Variants in SRGAP2C observed in about 807,000 individuals in gnomAD.
The protein encoded by SRGAP2C is SLIT-ROBO Rho GTPase activating protein 2C, also known as SLIT-ROBO Rho GTPase-activating protein 2C.
Under a neutral mutation model 25.1 loss-of-function variants are expected in SRGAP2C, and 15 were observed. That is an observed-to-expected ratio of 0.60 (90% CI 0.40 to 0.92). SRGAP2C has a LOEUF of 0.92. Ranked by LOEUF, SRGAP2C falls within the 40% of genes least tolerant of loss-of-function variation. The pLI is 0.00. For synonymous variants in SRGAP2C, 44 were observed against 96.6 expected (o/e 0.46, Z 3.19); for missense variants, 144 against 264.4 (o/e 0.54, Z 3.16).
intron 2 of SRGAP2C, among the ~76,000 whole-genome samples, chr1:121,248,411 G>T (rs1192883567): frequency 8.4e-6 from 1 of 119,716 alleles, no homozygotes; most frequent in Non-Finnish European, 1.7e-5. Context: ...TAAAGAGGCA[G>T]CTGAGAGGCT....
At chr1:121,331,495 C>T (rs1270719364) in intron 4 of SRGAP2C, among the ~76,000 whole-genome samples, 1 of 31,066 alleles carries the variant, frequency 3.2e-5, no homozygotes, top group Non-Finnish European at 6.2e-5. Flanking sequence ...TTCCTGAGAG[C>T]CTCCGGAGCA....
chr1:121,326,874 CT>C lies in SRGAP2C; in HGVS notation c.423+2240del, dbSNP rs1658325761. Among the ~76,000 whole-genome samples the C allele has an allele frequency of 2.2e-5, 2 of 89,104 alleles. 1 individual carries two copies. The highest frequency in any genetic ancestry group is 2.5e-4 in the Admixed American group (2 of 7,906). 58.5% of individuals were successfully genotyped at this position (89,104 alleles called of 152,430 possible). ...TAAGTAGAATTGCACAGTATGTACT[CT>C]TTTTTGTTTGGTTTCTTTCAATATT... On this transcript the variant is annotated intron_variant, in intron 4 of 9. Coordinates refer to ENST00000367123, the MANE Select transcript of SRGAP2C (RefSeq NM_001329984.2).
At chr1:121,195,209 G>A (rs1317250057) in intron 2 of SRGAP2C, among the ~76,000 whole-genome samples, 6 of 152,048 alleles carry the variant, frequency 3.9e-5, no homozygotes, top group South Asian at 2.1e-4. Flanking sequence ...TCAGGAGTTC[G>A]AGACCAGCCT....
rs4844803 is a variant in SRGAP2C, at chr1:121,272,432, G to A, written c.68-12371G>A. Among the ~76,000 whole-genome samples the A allele has an allele frequency of 9.2e-5, 14 of 151,610 alleles. No homozygotes were observed. In the East Asian group the frequency reaches 2.7e-3, roughly 29 times the overall value. On this transcript the variant is annotated intron_variant, in intron 2 of 9. Coordinates refer to ENST00000367123, the MANE Select transcript of SRGAP2C (RefSeq NM_001329984.2). ...GACTTTTCTCTGCGGCCTCTCCAGTGGATAGCATCTCTAGATGATGGCATG... is the reference window on the plus strand; with the variant it reads ...GACTTTTCTCTGCGGCCTCTCCAGTAGATAGCATCTCTAGATGATGGCATG...
intron 4 of SRGAP2C, among the ~76,000 whole-genome samples, chr1:121,358,396 GA>G (rs1287676931): frequency 7.0e-4 from 85 of 121,698 alleles, no homozygotes; most frequent in Admixed American, 2.5e-3. Context: ...GTTGCTTTGA[GA>G]TTTTTTTAGA....
rs1313768090 is a variant in SRGAP2C, at chr1:121,249,570, ATATATATATAT to A, written c.68-35231_68-35221del. Among the ~76,000 whole-genome samples the A allele has an allele frequency of 2.2e-3, 76 of 33,946 alleles. No individual in the cohort carries two copies. In the South Asian group the frequency reaches 0.028, roughly 13 times the overall value. 22.3% of individuals were successfully genotyped at this position (33,946 alleles called of 152,430 possible). On this transcript the variant is annotated intron_variant, in intron 2 of 9. Transcript: ENST00000367123. ...ACTATATATATATATATATATATAT[ATATATATATAT>A]TTTTTTTTTTTTTTTTTAAATTATA... is the stretch of plus-strand genomic sequence containing the variant.
chr1:121,340,896 TG>T (rs1658638512), intron 4 of SRGAP2C, among the ~76,000 whole-genome samples: 1 of 30,634 alleles, frequency 3.3e-5, no homozygotes, highest in African/African-American at 1.5e-4. Context: ...TGACCAGCAA[TG>T]GGAGAAATAT....
chr1:121,338,415 C>G (rs1296615859), intron 4 of SRGAP2C, among the ~76,000 whole-genome samples: 2 of 22,672 alleles, frequency 8.8e-5, no homozygotes. Context: ...AAGTTTTCCT[C>G]CTTTTGACAC....
chr1:121,385,481 T>A (rs1553356147), intron 8 of SRGAP2C, among the ~76,000 whole-genome samples: 1 of 119,934 alleles, frequency 8.3e-6, no homozygotes. Flanking sequence ...GCCTCTCAGC[T>A]GGGGGAAGAG....
intron 3 of SRGAP2C, among the ~76,000 whole-genome samples, chr1:121,308,691 C>T (rs1553339749): frequency 6.6e-6 from 1 of 151,712 alleles, no homozygotes; most frequent in Non-Finnish European, 1.5e-5. Flanking sequence ...GTAATCCCAG[C>T]ACTTTGGGAG....
At chr1:121,352,678 G>T (rs1380676897) in intron 4 of SRGAP2C, among the ~76,000 whole-genome samples, 2 of 149,546 alleles carry the variant, frequency 1.3e-5, no homozygotes, top group Non-Finnish European at 3.0e-5. Flanking sequence ...AAAATATATC[G>T]CCAGCAGACT....
chr1:121,263,643 C>T (rs1656688784), intron 2 of SRGAP2C, among the ~76,000 whole-genome samples: 1 of 151,718 alleles, frequency 6.6e-6, no homozygotes, highest in Admixed American at 6.6e-5. Flanking sequence ...TCACTTTTGT[C>T]AGCTGCATCC....
intron 3 of SRGAP2C, among the ~76,000 whole-genome samples, chr1:121,285,396 T>C (rs1657337109): frequency 1.5e-5 from 1 of 66,702 alleles, no homozygotes; most frequent in Non-Finnish European, 3.5e-5. Context: ...TCTCTGTCTC[T>C]CTCTCTCTCA....
chr1:121,282,591 G>C (rs1297149736), intron 2 of SRGAP2C, among the ~76,000 whole-genome samples: 2 of 151,920 alleles, frequency 1.3e-5, no homozygotes, highest in African/African-American at 4.8e-5. Flanking sequence ...GTCTCGCTCT[G>C]TCGCCCAGGC....
intron 2 of SRGAP2C, among the ~76,000 whole-genome samples, chr1:121,206,221 A>T (rs1437211694): frequency 1.3e-5 from 2 of 151,686 alleles, no homozygotes; most frequent in South Asian, 2.1e-4. Context: ...CCCCCAGACT[A>T]CACTCACTAC....
chr1:121,346,880 AGATT>A (rs1285775145), intron 4 of SRGAP2C, among the ~76,000 whole-genome samples: 1 of 151,778 alleles, frequency 6.6e-6, no homozygotes, highest in Non-Finnish European at 1.5e-5. Flanking sequence ...CTCCTAAGAT[AGATT>A]GTCTGAGTTC....
At chr1:121,351,311 A>T (rs1277965112) in intron 4 of SRGAP2C, among the ~76,000 whole-genome samples, 1 of 151,660 alleles carries the variant, frequency 6.6e-6, no homozygotes, top group Admixed American at 6.6e-5. Flanking sequence ...TCATAACAGC[A>T]TTATTCAAAA....
chr1:121,218,591 T>A (rs1239996000), intron 2 of SRGAP2C, among the ~76,000 whole-genome samples: 6 of 139,206 alleles, frequency 4.3e-5, no homozygotes, highest in African/African-American at 1.7e-4. Flanking sequence ...AAAAAAAAAA[T>A]ACAAAAATTA....
chr1:121,269,653 T>TA (rs1214693467), intron 2 of SRGAP2C, among the ~76,000 whole-genome samples: 3 of 151,742 alleles, frequency 2.0e-5, no homozygotes, highest in Non-Finnish European at 2.9e-5. Flanking sequence ...ACTATAAAAA[T>TA]AAAAATAACT....
Sources: gnomAD v4.1 joint callset for allele counts (sites outside exome capture counted in the v4.1 genomes callset) on GRCh38, gnomAD v4.1.1 for gene constraint, MANE v1.5 for transcripts, NCBI Gene and HGNC (gene_info 2026-07-23, HGNC 2026-07-21) for gene names.